The following IL20 variants were observed in gnomAD, a reference collection of about 807,000 sequenced individuals.
IL20 encodes interleukin-20.
In IL20, 22 loss-of-function variants were observed where a neutral mutation model predicts 19.2. That is an observed-to-expected ratio of 1.15 (90% CI 0.82 to 1.64). IL20 has a LOEUF of 1.64. Among genes scored for constraint, IL20 ranks in the 40% most tolerant of loss-of-function variants. The pLI is 0.00. For synonymous variants in IL20, 70 were observed against 76.2 expected, an observed-to-expected ratio of 0.92 and a Z score of 0.43; for missense variants, 215 against 212.8, an observed-to-expected ratio of 1.01 and a Z score of -0.06.
Position 206,868,614 on chromosome 1 carries a change from C to T in IL20, c.*50C>T. On this transcript the variant is annotated 3_prime_UTR_variant, in exon 6 of 6. Transcript: ENST00000367098. ...AATATTCGAGGTCAAGAGCTCCAGT[C>T]TTCAATACCTGCAGAGGAGGCATGA... 7.2e-7 allele frequency: 1 copy of T among 1,387,656 alleles called. No homozygotes were observed. Among genetic ancestry groups the T allele is most frequent in the Non-Finnish European group, 9.9e-7 (1 of 1,010,384 alleles). The allele number at this position is 1,387,656 out of a possible 1,614,324, so 86.0% of individuals were successfully genotyped here. A position where few individuals can be genotyped will look rare whatever the true frequency, so the allele number is the denominator to read the frequency against.
At position 206,868,691 on chromosome 1, in the gene IL20, T is replaced by A. The variant is rs1677632212; in HGVS notation, c.*127T>A. On this transcript the variant is annotated 3_prime_UTR_variant, in exon 6 of 6. Coordinates refer to ENST00000367098, the MANE Select transcript of IL20 (RefSeq NM_018724.4). The stretch of plus-strand genomic sequence containing the variant: ...CTAGTCTTGTGCTGGTCACAGTGTA[T>A]CTTATTTATGCATTACTTGCTTCCT... 2.0e-6 allele frequency: 1 copy of A among 487,860 alleles called. No homozygotes were observed. Among genetic ancestry groups the A allele is most frequent in the East Asian group, 3.5e-5 (1 of 28,772 alleles). The allele number at this position is 487,860 out of a possible 1,614,324, so 30.2% of individuals were successfully genotyped here.
rs915100227 is a variant in IL20, at chr1:206,868,746, T to C, written c.*182T>C. 2.7e-6 allele frequency: 1 copy of C among 376,934 alleles called. No individual in the cohort carries two copies. 23.3% of individuals were successfully genotyped at this position (376,934 alleles called of 1,614,324 possible). On this transcript the variant is annotated 3_prime_UTR_variant, in exon 6 of 6. Transcript: ENST00000367098. ...TGATTGTCTTTATGCATCCCCAATC[T>C]TAATTGAGACCATACTTGTATAAGA...
chr1:206,868,684 C>T lies in IL20; in HGVS notation c.*120C>T, dbSNP rs548454971. 6.5e-4 allele frequency: 348 copies of T among 531,492 alleles called. No homozygotes were observed. Among genetic ancestry groups the T allele is most frequent in the Non-Finnish European group, 9.5e-4 (313 of 329,568 alleles). The allele number at this position is 531,492 out of a possible 1,614,324, so 32.9% of individuals were successfully genotyped here. A position where few individuals can be genotyped will look rare whatever the true frequency, so the allele number is the denominator to read the frequency against. On this transcript the variant is annotated 3_prime_UTR_variant, in exon 6 of 6. Transcript: ENST00000367098. The stretch of plus-strand genomic sequence containing the variant: ...TACTGTACTAGTCTTGTGCTGGTCA[C>T]AGTGTATCTTATTTATGCATTACTT...
intron 2 of IL20, 34 bp from the exon 3 acceptor site, chr1:206,866,265 C>T: frequency 6.2e-7 from 1 of 1,605,880 alleles, no homozygotes; most frequent in Non-Finnish European, 8.5e-7. Context: ...CAGGCACTGA[C>T]TCATCCTTGC....
At position 206,865,705 on chromosome 1, in the gene IL20, C is replaced by T. The variant is rs903551828; in HGVS notation, c.-31+19C>T. On this transcript the variant is annotated intron_variant, in intron 1 of 5. Coordinates refer to ENST00000367098, the MANE Select transcript of IL20 (RefSeq NM_018724.4). This position sits in a 1 kb window ranked among gnomAD's most constrained non-coding sequence, Gnocchi z 4.1. ...TTTCTTAGTAAGTTGCGTGGATGGG[C>T]CACACTGTCTGAGGCCAGATAAGGC... 62 of 1,419,800 alleles carry T rather than the reference C, an allele frequency of 4.4e-5. 1 individual carries two copies. In the East Asian group the frequency reaches 1.4e-3, roughly 33 times the overall value. 88.0% of individuals were successfully genotyped at this position (1,419,800 alleles called of 1,614,324 possible).
intron 5 of IL20, among the ~76,000 whole-genome samples, chr1:206,867,816 A>T (rs1677602853): frequency 6.6e-6 from 1 of 151,936 alleles, no homozygotes; most frequent in Admixed American, 6.6e-5. Context: ...ATGCCATTCA[A>T]TTTCTCACCT....
chr1:206,865,749 C>T lies in IL20; in HGVS notation c.-31+63C>T. On this transcript the variant is annotated intron_variant, in intron 1 of 5. Coordinates refer to ENST00000367098, the MANE Select transcript of IL20 (RefSeq NM_018724.4). This position sits in a 1 kb window ranked among gnomAD's most constrained non-coding sequence, Gnocchi z 4.1. ...ATAAGGCTGTTCTCTTCCCCTGACC[C>T]CCCACCCCTCACCCCGTGGACACTT... 1 of 1,521,418 alleles carries T rather than the reference C, an allele frequency of 6.6e-7. No homozygotes were observed. Among genetic ancestry groups the T allele is most frequent in the East Asian group, 2.3e-5 (1 of 43,866 alleles). The allele number at this position is 1,521,418 out of a possible 1,614,324, so 94.2% of individuals were successfully genotyped here. A position where few individuals can be genotyped will look rare whatever the true frequency, so the allele number is the denominator to read the frequency against.
upstream of IL20, among the ~76,000 whole-genome samples, chr1:206,863,707 G>A (rs3024511): frequency 7.8e-3 from 1,186 of 152,214 alleles, 22 homozygotes; most frequent in African/African-American, 0.027. Context: ...CACATCTAAA[G>A]GACCCTTTTC....
Position 206,868,189 on chromosome 1 carries a change from C to CA in IL20, c.454-298_454-297insA, listed in dbSNP as rs1553445403. On this transcript the variant is annotated intron_variant, in intron 5 of 5. Coordinates refer to ENST00000367098, the MANE Select transcript of IL20 (RefSeq NM_018724.4). ...GCACGTGCACACACACACACACACA[C>CA]GTTTCTTAAAGAAAATAGCTTGATT... Among the ~76,000 whole-genome samples the CA allele has an allele frequency of 7.9e-5, 12 of 152,058 alleles. No individual in the cohort carries two copies. In the South Asian group the frequency reaches 2.5e-3, roughly 32 times the overall value.
At position 206,867,368 on chromosome 1, in the gene IL20, T is replaced by C. The variant is rs201666897; in HGVS notation, c.379-16T>C. 6.2e-7 allele frequency: 1 copy of C among 1,610,584 alleles called. No homozygotes were observed. The highest frequency in any genetic ancestry group is 1.3e-5 in the African/African-American group (1 of 74,738). The stretch of plus-strand genomic sequence containing the variant: ...GAATCTGTAATATAATCTATTATTC[T>C]TTGGGTCCTTTTCAGCATGCCCACA... On this transcript the variant is annotated splice_polypyrimidine_tract_variant and intron_variant, in intron 4 of 5. Coordinates refer to ENST00000367098, the MANE Select transcript of IL20 (RefSeq NM_018724.4).
Position 206,868,687 on chromosome 1 carries a change from T to C in IL20, c.*123T>C, listed in dbSNP as rs1677632012. The C allele has an allele frequency of 1.9e-6, 1 of 514,176 alleles. No homozygotes were observed. Among genetic ancestry groups the C allele is most frequent in the Non-Finnish European group, 3.2e-6 (1 of 317,146 alleles). 31.9% of individuals were successfully genotyped at this position (514,176 alleles called of 1,614,324 possible). A position where few individuals can be genotyped will look rare whatever the true frequency, so the allele number is the denominator to read the frequency against. ...TGTACTAGTCTTGTGCTGGTCACAGTGTATCTTATTTATGCATTACTTGCT... is the reference window on the plus strand; with the variant it reads ...TGTACTAGTCTTGTGCTGGTCACAGCGTATCTTATTTATGCATTACTTGCT... On this transcript the variant is annotated 3_prime_UTR_variant, in exon 6 of 6. Transcript: ENST00000367098.
intron 5 of IL20, among the ~76,000 whole-genome samples, chr1:206,867,987 C>G (rs528975735): frequency 2.3e-4 from 35 of 152,236 alleles, no homozygotes; most frequent in Admixed American, 1.1e-3. Context: ...GGAATTTCAT[C>G]CCTTTATTCA....
At chr1:206,868,466 A>G (rs767901638) in intron 5 of IL20, 21 bp from the exon 6 acceptor site, 26 of 1,570,518 alleles carry the variant, frequency 1.7e-5, no homozygotes, top group Non-Finnish European at 1.7e-5. Context: ...TGCTAACCAC[A>G]TGGGTGTGTG....
intron 4 of IL20, 152 bp from the exon 5 acceptor site, chr1:206,867,232 G>A (rs2981573): frequency 0.74 from 444,178 of 600,120 alleles, 169,114 homozygotes; most frequent in African/African-American, 0.83. Flanking sequence ...GATGAACTTA[G>A]TGATTCCAAA....
At position 206,866,288 on chromosome 1, in the gene IL20, C is replaced by T; in HGVS notation, c.160-11C>T. On this transcript the variant is annotated splice_polypyrimidine_tract_variant and intron_variant, in intron 2 of 5. Transcript: ENST00000367098. ...GACTCATCCTTGCTTGTTTTGTCTTCTTCTGTTTAGCAAGCCAAAGATGGA... is the reference window on the plus strand; with the variant it reads ...GACTCATCCTTGCTTGTTTTGTCTTTTTCTGTTTAGCAAGCCAAAGATGGA... 1 of 1,613,920 alleles carries T rather than the reference C, an allele frequency of 6.2e-7. No homozygotes were observed.
chr1:206,867,525 A>T, intron 5 of IL20, 67 bp downstream of exon 5: 3 of 1,289,736 alleles, frequency 2.3e-6, no homozygotes, highest in Non-Finnish European at 3.4e-6. Flanking sequence ...GGTAGGTGGG[A>T]TGGTTATTCA....
chr1:206,865,062 G>A (rs1677505889), upstream of IL20, among the ~76,000 whole-genome samples: 1 of 152,174 alleles, frequency 6.6e-6, no homozygotes, highest in African/African-American at 2.4e-5. The surrounding 1 kb of genome is among the most constrained non-coding windows in gnomAD (Gnocchi z 4.1). Flanking sequence ...CCAGGAAAGC[G>A]TGTACTCTCG....
At chr1:206,864,059 C>T (rs867675218), upstream of IL20, among the ~76,000 whole-genome samples, 5 of 152,142 alleles carry the variant, frequency 3.3e-5, no homozygotes, top group Non-Finnish European at 2.9e-5. Flanking sequence ...TCCAGTTTAC[C>T]TGTGGTTTTT....
At chr1:206,868,213 T>C (rs1488351283) in intron 5 of IL20, among the ~76,000 whole-genome samples, 1 of 151,998 alleles carries the variant, frequency 6.6e-6, no homozygotes, top group Non-Finnish European at 1.5e-5. Context: ...AATAGCTTGA[T>C]TATTTTGATC....
Sources: allele counts gnomAD v4.1 joint callset (sites outside exome capture counted in the v4.1 genomes callset), GRCh38; gene constraint gnomAD v4.1.1; non-coding constraint Gnocchi (gnomAD v3.1); transcripts MANE v1.5; gene names NCBI Gene and HGNC (gene_info 2026-07-23, HGNC 2026-07-21).